Variants in CEP112 observed in about 807,000 individuals in gnomAD.
CEP112 encodes the protein centrosomal protein of 112 kDa.
CEP112 carries 127 observed loss-of-function variants against 153.0 expected under a neutral mutation model. The ratio of observed to expected loss-of-function variants is 0.83; its 90% confidence interval spans 0.72 to 0.96. The LOEUF (loss-of-function observed/expected upper bound fraction) is 0.96. Among genes scored for constraint, CEP112 ranks in the 40% least tolerant of loss-of-function variants. The probability of loss-of-function intolerance (pLI) is 0.00; values close to 1 mark genes in which losing one functional copy is unlikely to be tolerated. For missense variants in CEP112, 1,089 were observed against 1,101.2 expected, an observed-to-expected ratio of 0.99 and a Z score of 0.16; for synonymous variants, 358 against 374.4, an observed-to-expected ratio of 0.96 and a Z score of 0.51.
Position 65,804,859 on chromosome 17 carries a change from C to G in CEP112, c.2394+46945G>C, listed in dbSNP as rs944769032. Among the ~76,000 whole-genome samples the G allele has an allele frequency of 3.3e-5, 5 of 151,556 alleles. No homozygotes were observed. The East Asian group carries it at 9.7e-4, about 29-fold the overall frequency. ...CATCTAGCAAAGGACAAACTCTGTA[C>G]AATTAATTTTTTTTTTTTTTGAGAC... is the stretch of plus-strand genomic sequence containing the variant. On this transcript the variant is annotated intron_variant, in intron 21 of 26. Coordinates refer to ENST00000535342, the MANE Select transcript of CEP112 (RefSeq NM_001199165.4).
intron 23 of CEP112, among the ~76,000 whole-genome samples, chr17:65,707,650 C>A (rs1260704122): frequency 6.6e-6 from 1 of 152,220 alleles, no homozygotes; most frequent in Non-Finnish European, 1.5e-5. Flanking sequence ...ACCATTAGCA[C>A]TTCCCTTCTT....
At position 66,029,122 on chromosome 17, in the gene CEP112, C is replaced by T. The variant is rs760187341; in HGVS notation, c.1503+1G>A. 2 of 1,594,948 alleles carry T rather than the reference C, an allele frequency of 1.3e-6. No individual in the cohort carries two copies. Among genetic ancestry groups the T allele is most frequent in the African/African-American group, 1.3e-5 (1 of 74,206 alleles). On this transcript the variant is annotated splice_donor_variant, in intron 14 of 26. Coordinates refer to ENST00000535342, the MANE Select transcript of CEP112 (RefSeq NM_001199165.4). LOFTEE classifies it high-confidence loss of function. ...GGATTATCTATTAACATAAATAATA[C>T]CTTAGAAGCTGAAAGAGCATGTTCT...
Position 66,125,271 on chromosome 17 carries a change from T to C in CEP112, c.642+4475A>G, listed in dbSNP as rs544102132. Among the ~76,000 whole-genome samples, 132 of 152,364 alleles carry C rather than the reference T, an allele frequency of 8.7e-4. 1 individual carries two copies. In the Middle Eastern group the frequency reaches 0.017, roughly 20 times the overall value. On this transcript the variant is annotated intron_variant, in intron 6 of 26. Coordinates refer to ENST00000535342, the MANE Select transcript of CEP112 (RefSeq NM_001199165.4). ...GTCCTAGTCTCAAAATCTGACACTT[T>C]CACTCATTTGTGGAAAACTACAGCC...
intron 21 of CEP112, among the ~76,000 whole-genome samples, chr17:65,848,593 C>T (rs940580140): frequency 5.3e-5 from 8 of 152,170 alleles, no homozygotes; most frequent in African/African-American, 1.9e-4. Context: ...GTCCCACTCA[C>T]TCTCAAGGCC....
At position 66,069,993 on chromosome 17, in the gene CEP112, C is replaced by A. The variant is rs912965748; in HGVS notation, c.777G>T (p.Met259Ile). The change falls in exon 9 of 27, where the codon ATG becomes ATT. Residue 259 changes from methionine (M) to isoleucine (I), a missense_variant. Physicochemically the swap from Met to Ile is conservative, Grantham distance 10. Coordinates refer to ENST00000535342, the MANE Select transcript of CEP112 (RefSeq NM_001199165.4). ...LSRIREKELD[M>I]KTKMMEAKFH... Reference sequence around the variant, plus strand: ...ATTTAGCTTCCATCATTTTTGTTTTCATGTCCAGCTTCAAGAAAAATATTT... The same window carrying A: ...ATTTAGCTTCCATCATTTTTGTTTTAATGTCCAGCTTCAAGAAAAATATTT... 29 of 1,597,152 alleles carry A rather than the reference C, an allele frequency of 1.8e-5. No homozygotes were observed. The highest frequency in any genetic ancestry group is 2.5e-5 in the Non-Finnish European group (29 of 1,168,224).
At chr17:65,770,359 A>C (rs1179933996) in intron 21 of CEP112, among the ~76,000 whole-genome samples, 2 of 152,046 alleles carry the variant, frequency 1.3e-5, no homozygotes, top group Non-Finnish European at 2.9e-5. Context: ...TTAAAAAAAA[A>C]ATCTGTTAAT....
chr17:65,954,988 C>A (rs989465511), intron 18 of CEP112, among the ~76,000 whole-genome samples: 1 of 152,156 alleles, frequency 6.6e-6, no homozygotes, highest in Non-Finnish European at 1.5e-5. Context: ...AAGGCCTAGA[C>A]ATGCAAATAC....
intron 21 of CEP112, among the ~76,000 whole-genome samples, chr17:65,770,387 G>A (rs115193761): frequency 0.014 from 2,064 of 152,004 alleles, 51 homozygotes; most frequent in African/African-American, 0.047. Context: ...TGCATATCCA[G>A]TGAAACTATC....
intron 8 of CEP112, among the ~76,000 whole-genome samples, chr17:66,076,391 C>G (rs1453881317): frequency 2.0e-5 from 3 of 152,228 alleles, no homozygotes; most frequent in Middle Eastern, 3.4e-3. Context: ...GAGACCAGCC[C>G]TGAAGACTGT....
intron 19 of CEP112, among the ~76,000 whole-genome samples, chr17:65,912,011 AG>A (rs1214059769): frequency 2.0e-5 from 3 of 152,194 alleles, no homozygotes; most frequent in African/African-American, 7.2e-5. Context: ...CTCTTAAACA[AG>A]GGATGTGGTC....
intron 4 of CEP112, among the ~76,000 whole-genome samples, chr17:66,133,416 A>G (rs1204911636): frequency 1.3e-5 from 2 of 152,242 alleles, no homozygotes; most frequent in South Asian, 2.1e-4. Flanking sequence ...GTTTCAATTA[A>G]TTTGAAAGCA....
intron 17 of CEP112, among the ~76,000 whole-genome samples, chr17:65,987,579 T>G (rs960162325): frequency 6.6e-6 from 1 of 152,214 alleles, no homozygotes. Flanking sequence ...CTGATTCAGA[T>G]TTCTGGTTTC....
At chr17:66,000,868 A>C (rs1355953903) in intron 17 of CEP112, among the ~76,000 whole-genome samples, 1 of 152,202 alleles carries the variant, frequency 6.6e-6, no homozygotes, top group African/African-American at 2.4e-5. Flanking sequence ...TCATGTCTTA[A>C]GCTGGTCCAC....
At chr17:65,989,955 A>G (rs2063538202) in intron 17 of CEP112, among the ~76,000 whole-genome samples, 2 of 151,980 alleles carry the variant, frequency 1.3e-5, no homozygotes, top group Admixed American at 6.5e-5. Context: ...TCATCTCTTT[A>G]AAATAACTTG....
At position 66,183,205 on chromosome 17, in the gene CEP112, G is replaced by T; in HGVS notation, c.95C>A (p.Pro32His). The T allele has an allele frequency of 6.3e-7, 1 of 1,596,896 alleles. No individual in the cohort carries two copies. Among genetic ancestry groups the T allele is most frequent in the East Asian group, 2.2e-5 (1 of 44,548 alleles). ...AAACATAATCTTACCTGTCCTATGA[G>T]GTAATTTTAGAACAAAGGGCTTCAT... ...VDMKPFVLKLPHRTERQRCAL... is the reference protein window; with the variant it reads ...VDMKPFVLKLHHRTERQRCAL... The change falls in exon 2 of 27, where the codon CCT becomes CAT. Residue 32 changes from proline (P) to histidine (H), a missense_variant. Coordinates refer to ENST00000535342, the MANE Select transcript of CEP112 (RefSeq NM_001199165.4).
intron 20 of CEP112, among the ~76,000 whole-genome samples, chr17:65,883,263 CAT>C (rs34264279): frequency 0.021 from 3,090 of 146,792 alleles, 57 homozygotes; most frequent in Admixed American, 0.044. Flanking sequence ...AAGAAGTTTA[CAT>C]ATATATATAT....
At chr17:66,038,033 C>A (rs12952741) in intron 12 of CEP112, among the ~76,000 whole-genome samples, 76,194 of 148,386 alleles carry the variant, frequency 0.51, 20,477 homozygotes, top group African/African-American at 0.59. Context: ...AACAGGGAGT[C>A]GGAGGTTGCA....
intron 24 of CEP112, among the ~76,000 whole-genome samples, chr17:65,679,020 C>T (rs1053525056): frequency 6.7e-6 from 1 of 149,680 alleles, no homozygotes; most frequent in Non-Finnish European, 1.5e-5. Flanking sequence ...GTTTGACTTG[C>T]TTTGGCGCTT....
At position 66,001,944 on chromosome 17, in the gene CEP112, A is replaced by C. The variant is rs572808144; in HGVS notation, c.1736+3746T>G. On this transcript the variant is annotated intron_variant, in intron 17 of 26. Transcript: ENST00000535342. The stretch of plus-strand genomic sequence containing the variant: ...AACTTTCCATTTCTGGAGGCTATTA[A>C]AATTATTTTCTACAGTAAAAAACGA... Among the ~76,000 whole-genome samples, 59 of 152,302 alleles carry C rather than the reference A, an allele frequency of 3.9e-4. 1 individual carries two copies. The highest frequency in any genetic ancestry group is 3.4e-3 in the Middle Eastern group (1 of 292).
Sources: allele counts gnomAD v4.1 joint callset (sites outside exome capture counted in the v4.1 genomes callset), GRCh38; gene constraint gnomAD v4.1.1; transcripts MANE v1.5; gene names NCBI Gene and HGNC (gene_info 2026-07-23, HGNC 2026-07-21).